MYH15: variants seen among roughly 807,000 people sequenced by gnomAD.
The protein encoded by MYH15 is myosin heavy chain 15, also known as myosin-15.
In MYH15, 227 loss-of-function variants were observed where a neutral mutation model predicts 240.5. The observed-to-expected ratio is 0.94, with a 90% CI of 0.85 to 1.05. The LOEUF (loss-of-function observed/expected upper bound fraction) is 1.05, where lower values mean the gene tolerates loss of function less well. Among genes scored for constraint, MYH15 ranks in the 50% least tolerant of loss-of-function variants. The probability of loss-of-function intolerance (pLI) is 0.00; values close to 1 mark genes in which losing one functional copy is unlikely to be tolerated. For synonymous variants in MYH15, 785 were observed against 796.7 expected (o/e 0.99, Z 0.25); for missense variants, 2,217 against 2,247.5 (o/e 0.99, Z 0.27).
chr3:108,544,129 T>G, the MYH15 span, among the ~76,000 whole-genome samples: 1 of 152,184 alleles, frequency 6.6e-6, no homozygotes, highest in Non-Finnish European at 1.5e-5. Flanking sequence ...TTTGTTCAGC[T>G]TTTTTTCTTG....
Position 108,439,768 on chromosome 3 carries a change from G to T in MYH15, c.3044C>A (p.Ala1015Glu). The change falls in exon 24 of 41, where the codon GCA becomes GAA. Residue 1015 changes from alanine to glutamate, a missense_variant. Coordinates refer to ENST00000693548, the MANE Select transcript of MYH15 (RefSeq NM_014981.3). ...EEEKLSSLSK[A>E]NLKLEQQVDE... ...AACTTGCTGTTCCAGCTTCAGATTT[G>T]CTTTGCTCAGGCTGCTGAGCTTCTC... The T allele has an allele frequency of 6.2e-7, 1 of 1,608,738 alleles. No individual in the cohort carries two copies. The highest frequency in any genetic ancestry group is 1.7e-5 in the Admixed American group (1 of 58,726).
At chr3:108,551,017 G>C in the MYH15 span, 1 of 404,690 alleles carries the variant, frequency 2.5e-6, no homozygotes, top group Non-Finnish European at 4.2e-6. Context: ...AACAGATCAG[G>C]GTCTTTACTA....
chr3:108,452,541 A>G (rs1420630609), intron 21 of MYH15, among the ~76,000 whole-genome samples: 3 of 152,184 alleles, frequency 2.0e-5, no homozygotes, highest in Admixed American at 6.5e-5. Context: ...TTCAAAGAAT[A>G]ATACTGAATA....
intron 1 of MYH15, among the ~76,000 whole-genome samples, chr3:108,526,714 T>C (rs1309713710): frequency 6.6e-6 from 1 of 152,194 alleles, no homozygotes. Flanking sequence ...ACTCACATGT[T>C]TTCTCCAGTG....
At chr3:108,488,778 T>G (rs1242562921) in intron 9 of MYH15, among the ~76,000 whole-genome samples, 1 of 152,236 alleles carries the variant, frequency 6.6e-6, no homozygotes, top group Non-Finnish European at 1.5e-5. Flanking sequence ...GATACTGAGT[T>G]CATTTCCCTT....
At position 108,476,438 on chromosome 3, in the gene MYH15, C is replaced by A. The variant is rs1380535875; in HGVS notation, c.1192G>T (p.Val398Phe). The change falls in exon 12 of 41, where the codon GTT (valine) becomes TTT (phenylalanine). Residue 398 changes from valine (V) to phenylalanine (F), a missense_variant. By Grantham distance (50) the Val-to-Phe change is conservative. Transcript: ENST00000693548. ...CCTCTGGTAACATATTCGTTACCAA[C>A]TTTGATTCTAGGATGGATCAAGCAC... ...VKCLIHPRIK[V>F]GNEYVTRGQT... The A allele has an allele frequency of 6.2e-7, 1 of 1,613,208 alleles. No homozygotes were observed. The highest frequency in any genetic ancestry group is 1.7e-5 in the Admixed American group (1 of 59,946).
At chr3:108,529,283 G>A in exon 1 of MYH15, 3 of 1,594,614 alleles carry the variant, frequency 1.9e-6, no homozygotes, top group Non-Finnish European at 2.6e-6. Context: ...TTGGTAAGAT[G>A]AGGTAAATAC....
chr3:108,463,023 A>G, intron 16 of MYH15, 88 bp downstream of exon 16: 1 of 1,434,854 alleles, frequency 7.0e-7, no homozygotes, highest in Non-Finnish European at 9.4e-7. Context: ...AACATATCAC[A>G]GGAAAGAAGC....
chr3:108,444,806 G>A lies in MYH15; in HGVS notation c.2489C>T (p.Pro830Leu), dbSNP rs1445884048. The A allele has an allele frequency of 5.0e-6, 8 of 1,613,966 alleles. No individual in the cohort carries two copies. In the African/African-American group the frequency reaches 9.3e-5, roughly 19 times the overall value. The change falls in exon 22 of 41, where the codon CCT becomes CTT. Residue 830 changes from proline (P) to leucine (L), a missense_variant. Coordinates refer to ENST00000693548, the MANE Select transcript of MYH15 (RefSeq NM_014981.3). ...TCCTACTTCTGAAGATTTAACAAGA[G>A]GCTTGATCTTGAAGAAGAGCCTCAT... ...PWMRLFFKIKPLVKSSEVGEE... is the reference protein window; with the variant it reads ...PWMRLFFKIKLLVKSSEVGEE...
chr3:108,499,563 G>T, intron 4 of MYH15, 81 bp from the exon 5 acceptor site: 1 of 1,362,472 alleles, frequency 7.3e-7, no homozygotes, highest in Non-Finnish European at 1.0e-6. Flanking sequence ...AATTTCCCTA[G>T]CTACAATTTG....
chr3:108,437,466 T>C (rs989510022), intron 25 of MYH15, 88 bp downstream of exon 25: 1 of 1,485,156 alleles, frequency 6.7e-7, no homozygotes. Context: ...TATCTGGCCC[T>C]GGAGTCCTAA....
intron 28 of MYH15, among the ~76,000 whole-genome samples, chr3:108,417,792 T>TAC (rs1213053041): frequency 3.0e-4 from 26 of 86,676 alleles, no homozygotes; most frequent in Admixed American, 8.7e-4. Flanking sequence ...TATGTATATA[T>TAC]ATATACACAC....
chr3:108,478,148 T>C (rs563344011), intron 11 of MYH15, among the ~76,000 whole-genome samples: 1 of 152,174 alleles, frequency 6.6e-6, no homozygotes, highest in South Asian at 2.1e-4. Context: ...GAAAATAAAG[T>C]AAAAACAAAA....
chr3:108,469,931 C>G, intron 14 of MYH15, 111 bp downstream of exon 14: 1 of 1,043,158 alleles, frequency 9.6e-7, no homozygotes, highest in East Asian at 2.8e-5. Flanking sequence ...CAGGGCTTTC[C>G]GCCCCCATTT....
At chr3:108,491,584 T>C (rs146641268) in intron 9 of MYH15, among the ~76,000 whole-genome samples, 1 of 152,190 alleles carries the variant, frequency 6.6e-6, no homozygotes, top group East Asian at 1.9e-4. Context: ...TGTCATCTCA[T>C]ACTGGGACAT....
chr3:108,470,999 G>A, intron 12 of MYH15, 152 bp from the exon 13 acceptor site: 1 of 446,520 alleles, frequency 2.2e-6, no homozygotes, highest in Non-Finnish European at 3.5e-6. Flanking sequence ...ATGAGAAAAG[G>A]AAGAAAAGAA....
In MYH15 at chr3:108,399,130, T is replaced by C. The variant is rs766463242; in HGVS notation, c.4874A>G (p.Asn1625Ser). 8 of 1,614,198 alleles carry C rather than the reference T, an allele frequency of 5.0e-6. 1 individual carries two copies. Among genetic ancestry groups the C allele is most frequent in the South Asian group, 4.4e-5 (4 of 91,080 alleles). ...NEMELQLSCA[N>S]RQVSEATKSL... is the part of the protein sequence containing the mutation. ...TTTGGTTGCTTCTGACACCTGCCGGTTGGCACAGCTAAGCTGGAGTTCCAT... is the reference window on the plus strand; with the variant it reads ...TTTGGTTGCTTCTGACACCTGCCGGCTGGCACAGCTAAGCTGGAGTTCCAT... Residue 1625 changes from asparagine to serine, a missense_variant, in exon 34 of 41, where the codon AAC (asparagine) becomes AGC (serine). By Grantham distance (46) the Asn-to-Ser change is conservative. Transcript: ENST00000693548.
intron 7 of MYH15, 104 bp from the exon 8 acceptor site, chr3:108,493,281 C>T: frequency 1.5e-6 from 1 of 659,084 alleles, no homozygotes; most frequent in Non-Finnish European, 2.6e-6. Context: ...AAAAGGACTA[C>T]TTCCCCAGAA....
In MYH15 at chr3:108,459,383, G is replaced by T; in HGVS notation, c.1999C>A (p.Pro667Thr). 6.2e-7 allele frequency: 1 copy of T among 1,600,348 alleles called. No individual in the cohort carries two copies. ...TTACCTGGTATTTTGTTCACATTGGGATTTATGCATCTCACAAAATGAGGT... is the reference window on the plus strand; with the variant it reads ...TTACCTGGTATTTTGTTCACATTGGTATTTATGCATCTCACAAAATGAGGT... ...TAPHFVRCIN[P>T]NVNKIPGILD... The change falls in exon 18 of 41, where the codon CCC becomes ACC. Residue 667 changes from proline to threonine, a missense_variant. By Grantham distance (38) the Pro-to-Thr change is conservative (BLOSUM62 -1). Transcript: ENST00000693548.
Sources: allele counts gnomAD v4.1 joint callset (sites outside exome capture counted in the v4.1 genomes callset), GRCh38; gene constraint gnomAD v4.1.1; transcripts MANE v1.5; gene names NCBI Gene and HGNC (gene_info 2026-07-23, HGNC 2026-07-21).